Variants in CNTN3 observed in about 807,000 individuals in gnomAD.
CNTN3 encodes contactin 3.
In CNTN3, 60 loss-of-function variants were observed where a neutral mutation model predicts 119.1. The observed-to-expected ratio is 0.50, with a 90% CI of 0.41 to 0.62. The LOEUF (loss-of-function observed/expected upper bound fraction) is 0.62, where lower values mean the gene tolerates loss of function less well. Among genes scored for constraint, CNTN3 ranks in the 20% least tolerant of loss-of-function variants. The pLI is 0.00. For synonymous variants in CNTN3, 450 were observed against 438.7 expected (o/e 1.03, Z -0.32); for missense variants, 1,101 against 1,242.4 (o/e 0.89, Z 1.71).
At position 74,486,599 on chromosome 3, in the gene CNTN3, C is replaced by T. The variant is rs775463293; in HGVS notation, c.215G>A (p.Ser72Asn). ...ATTCAACTTATAACGATGTTCCATA[C>T]TCATATCAATATCACTTCCATTCAG... The part of the protein sequence containing the change: ...WQLNGSDIDM[S>N]MEHRYKLNGG... The change falls in exon 4 of 23, where the codon AGT becomes AAT. Residue 72 changes from serine (S) to asparagine (N), a missense_variant. By Grantham distance (46) the Ser-to-Asn change is conservative. Coordinates refer to ENST00000263665, the MANE Select transcript of CNTN3 (RefSeq NM_020872.3). 1 of 1,586,846 alleles carries T rather than the reference C, an allele frequency of 6.3e-7. No individual in the cohort carries two copies. The highest frequency in any genetic ancestry group is 8.5e-7 in the Non-Finnish European group (1 of 1,171,922).
At chr3:74,508,484 A>C (rs751773377) in intron 2 of CNTN3, among the ~76,000 whole-genome samples, 1 of 152,194 alleles carries the variant, frequency 6.6e-6, no homozygotes, top group Non-Finnish European at 1.5e-5. Context: ...TACATTTGTT[A>C]AACTTATTTT....
chr3:74,322,103 T>C (rs112349858), intron 13 of CNTN3, among the ~76,000 whole-genome samples: 3,049 of 150,814 alleles, frequency 0.02, 96 homozygotes, highest in African/African-American at 0.07. Flanking sequence ...GGAGAATTGC[T>C]TGAACCCAGG....
At chr3:74,531,276 G>T (rs530227471) in intron 1 of CNTN3, among the ~76,000 whole-genome samples, 2 of 151,686 alleles carry the variant, frequency 1.3e-5, no homozygotes, top group Non-Finnish European at 2.9e-5. Context: ...GGAGTGGGTG[G>T]GGCTACCTGA....
At chr3:74,449,951 C>T (rs1702117648) in intron 4 of CNTN3, among the ~76,000 whole-genome samples, 1 of 152,094 alleles carries the variant, frequency 6.6e-6, no homozygotes, top group Admixed American at 6.6e-5. Flanking sequence ...TGTTAAAGTA[C>T]ATTTCTTATT....
intron 19 of CNTN3, among the ~76,000 whole-genome samples, chr3:74,285,809 AT>A (rs1702102657): frequency 9.8e-6 from 1 of 102,322 alleles, no homozygotes; most frequent in African/African-American, 6.2e-5. Context: ...ATATATATAT[AT>A]ATATATATAT....
chr3:74,553,562 A>C (rs190406538), intron 1 of CNTN3, among the ~76,000 whole-genome samples: 44 of 152,318 alleles, frequency 2.9e-4, no homozygotes, highest in Middle Eastern at 3.4e-3. Context: ...ACAGTGTAAA[A>C]GCATTCCATT....
intron 1 of CNTN3, among the ~76,000 whole-genome samples, chr3:74,535,812 T>A (rs897510954): frequency 1.3e-5 from 2 of 152,190 alleles, no homozygotes; most frequent in South Asian, 2.1e-4. Flanking sequence ...CGTTTTGAAG[T>A]CGAAAATCAC....
At chr3:74,545,328 G>A (rs2107152490) in intron 1 of CNTN3, among the ~76,000 whole-genome samples, 1 of 152,248 alleles carries the variant, frequency 6.6e-6, no homozygotes, top group South Asian at 2.1e-4. Context: ...ATTTTCTGAA[G>A]ATATTTATGC....
At chr3:74,537,555 G>A (rs2107143214) in intron 1 of CNTN3, among the ~76,000 whole-genome samples, 1 of 152,200 alleles carries the variant, frequency 6.6e-6, no homozygotes, top group Admixed American at 6.5e-5. Context: ...TGGCATCTTT[G>A]CCTCGGTTGT....
At chr3:74,301,292 A>G (rs1702447511) in intron 16 of CNTN3, 106 bp downstream of exon 16, 1 of 1,172,098 alleles carries the variant, frequency 8.5e-7, no homozygotes, top group Non-Finnish European at 1.2e-6. Context: ...TAACTGCAAC[A>G]ATGGATTATT....
intron 8 of CNTN3, among the ~76,000 whole-genome samples, chr3:74,366,780 G>GTACATATATATATATATATATA (rs1704202507): frequency 4.7e-5 from 3 of 63,714 alleles, no homozygotes; most frequent in Admixed American, 3.8e-4. Flanking sequence ...GTGTGTGTGT[G>GTACATATATATATATATATATA]TATATATATA....
chr3:74,366,763 T>C (rs1331062225), intron 8 of CNTN3, among the ~76,000 whole-genome samples: 2 of 62,784 alleles, frequency 3.2e-5, no homozygotes, highest in East Asian at 5.4e-4. Flanking sequence ...TGTGTGCGTG[T>C]GTGTGTGTGT....
chr3:74,367,160 G>A (rs1184160544), intron 8 of CNTN3, among the ~76,000 whole-genome samples: 3 of 151,806 alleles, frequency 2.0e-5, no homozygotes, highest in African/African-American at 7.3e-5. Context: ...CCAGAGAACT[G>A]CATGGCCTCT....
At position 74,520,521 on chromosome 3, in the gene CNTN3, A is replaced by G. The variant is rs142243690; in HGVS notation, c.55+537T>C. ...GAAAATACAACAAATGATTTGTAAT[A>G]GTTGCTTTTGTATGTGTCAAAGACG... On this transcript the variant is annotated intron_variant, in intron 2 of 22. Transcript: ENST00000263665. Among the ~76,000 whole-genome samples the G allele has an allele frequency of 2.0e-5, 3 of 151,624 alleles. No homozygotes were observed. In the East Asian group the frequency reaches 5.8e-4, roughly 30 times the overall value.
At chr3:74,322,421 G>C (rs1379635900) in intron 13 of CNTN3, among the ~76,000 whole-genome samples, 2 of 152,074 alleles carry the variant, frequency 1.3e-5, no homozygotes, top group East Asian at 3.9e-4. Context: ...TATTTCACTA[G>C]GGAATTGCAA....
At chr3:74,352,666 A>C (rs1227072671) in intron 11 of CNTN3, among the ~76,000 whole-genome samples, 1 of 152,202 alleles carries the variant, frequency 6.6e-6, no homozygotes, top group Non-Finnish European at 1.5e-5. Flanking sequence ...AAATAACAAT[A>C]TGATAAATTA....
intron 3 of CNTN3, among the ~76,000 whole-genome samples, chr3:74,494,465 G>A (rs1341131263): frequency 1.3e-5 from 2 of 151,954 alleles, no homozygotes; most frequent in African/African-American, 4.8e-5. Context: ...ACATTTATTA[G>A]AAAGATACTC....
intron 4 of CNTN3, among the ~76,000 whole-genome samples, chr3:74,458,921 A>C (rs996568879): frequency 3.3e-5 from 5 of 152,018 alleles, no homozygotes; most frequent in African/African-American, 1.2e-4. Flanking sequence ...CTTTCCATGT[A>C]TGCTCTCTTC....
intron 1 of CNTN3, among the ~76,000 whole-genome samples, chr3:74,612,378 A>G (rs991593230): frequency 3.3e-5 from 5 of 152,176 alleles, no homozygotes; most frequent in African/African-American, 1.2e-4. Context: ...TGCTCCTATT[A>G]AATGCTTTGT....
Sources: gnomAD v4.1 joint callset for allele counts (sites outside exome capture counted in the v4.1 genomes callset) on GRCh38, gnomAD v4.1.1 for gene constraint, MANE v1.5 for transcripts, NCBI Gene and HGNC (gene_info 2026-07-23, HGNC 2026-07-21) for gene names.